Variants in AFAP1 observed in about 807,000 individuals in gnomAD.
AFAP1 encodes the protein actin filament associated protein 1, also known as actin filament-associated protein 1.
AFAP1 carries 75 observed loss-of-function variants against 93.9 expected under a neutral mutation model. That is an observed-to-expected ratio of 0.80 (90% CI 0.66 to 0.97). The LOEUF (loss-of-function observed/expected upper bound fraction) is 0.97. AFAP1 is among the 50% of genes least tolerant of loss of function. The pLI is 0.00. For missense variants in AFAP1, 1,201 were observed against 1,050.8 expected (o/e 1.14, Z -1.98); for synonymous variants, 517 against 430.7 (o/e 1.20, Z -2.48).
intron 6 of AFAP1, among the ~76,000 whole-genome samples, chr4:7,836,687 T>C (rs1712339272): frequency 6.6e-6 from 1 of 152,170 alleles, no homozygotes; most frequent in South Asian, 2.1e-4. Flanking sequence ...AGGCTCAAGC[T>C]ATCGGCCCAC....
intron 12 of AFAP1, 46 bp from the exon 13 acceptor site, chr4:7,781,673 C>T (rs1411325394): frequency 1.3e-6 from 2 of 1,544,544 alleles, no homozygotes; most frequent in East Asian, 2.5e-5. Flanking sequence ...ACACAGGAAA[C>T]AGCAGCTTTT....
In AFAP1 at chr4:7,772,910, C is replaced by T. The variant is rs367874419; in HGVS notation, c.2163G>A (p.Thr721=). 9.0e-5 allele frequency: 146 copies of T among 1,614,174 alleles called. 1 individual carries two copies. The Admixed American group carries it at 1.6e-3, about 18-fold the overall frequency. The stretch of plus-strand genomic sequence containing the variant: ...CTTTCTTCAGGCTCTCCTTGACCTC[C>T]GTCAGCTCCAGCTCCAGGCTGACAC... ...AERVSLELEL[T]EVKESLKKAL... is the part of the protein sequence containing the mutation. The change falls in exon 16 of 18, where the codon ACG becomes ACA. Residue 721 remains threonine (T), a synonymous_variant. Transcript: ENST00000420658.
At chr4:7,872,844 T>C (rs915249244) in intron 1 of AFAP1, among the ~76,000 whole-genome samples, 11 of 149,604 alleles carry the variant, frequency 7.4e-5, no homozygotes, top group Middle Eastern at 6.8e-3. Flanking sequence ...ACTGCTAGCA[T>C]CTTAGCACGA....
rs114094544 is a variant in AFAP1 at position 7,851,843 on chromosome 4, C to T, written c.334+3623G>A. 7.4e-3 allele frequency among the ~76,000 whole-genome samples: 1,132 copies of T among 152,250 alleles called. 19 individuals are homozygous for T. Among genetic ancestry groups the T allele is most frequent in the African/African-American group, 0.026 (1,062 of 41,528 alleles). On this transcript the variant is annotated intron_variant, in intron 4 of 17. Coordinates refer to ENST00000420658, the MANE Select transcript of AFAP1 (RefSeq NM_001134647.2). ...TAATGGCAGGTTGTTATCACTGGTC[C>T]ACTTCCATCATGAAGAGATCATTAA... is the stretch of plus-strand genomic sequence containing the variant.
At chr4:7,774,561 A>C (rs991437584) in intron 15 of AFAP1, 178 bp downstream of exon 15, 3 of 970,048 alleles carry the variant, frequency 3.1e-6, no homozygotes, top group African/African-American at 3.3e-5. Context: ...CCACACAGGC[A>C]CCTGCCTCGG....
chr4:7,934,652 C>T (rs1438156024), intron 1 of AFAP1, among the ~76,000 whole-genome samples: 1 of 152,140 alleles, frequency 6.6e-6, no homozygotes, highest in Non-Finnish European at 1.5e-5. Context: ...CACACAGCTT[C>T]TGAGGTGGCT....
At chr4:7,802,429 G>A (rs1719129021) in intron 9 of AFAP1, among the ~76,000 whole-genome samples, 1 of 152,204 alleles carries the variant, frequency 6.6e-6, no homozygotes, top group Non-Finnish European at 1.5e-5. Flanking sequence ...AAGAGTCTCA[G>A]AGGCTTTACT....
At chr4:7,894,872 A>G (rs1159361090) in intron 1 of AFAP1, among the ~76,000 whole-genome samples, 1 of 152,120 alleles carries the variant, frequency 6.6e-6, no homozygotes, top group South Asian at 2.1e-4. Context: ...GAGGGGAAGG[A>G]AGGGCCATGG....
At chr4:7,771,272 T>A (rs982049354) in intron 16 of AFAP1, among the ~76,000 whole-genome samples, 2 of 148,166 alleles carry the variant, frequency 1.3e-5, no homozygotes, top group South Asian at 4.3e-4. Flanking sequence ...GTAACCACAG[T>A]GACTCAGGAA....
chr4:7,909,913 C>G (rs1236929168), intron 1 of AFAP1, among the ~76,000 whole-genome samples: 1 of 152,218 alleles, frequency 6.6e-6, no homozygotes, highest in Non-Finnish European at 1.5e-5. Flanking sequence ...CAGTTCAACA[C>G]ACATTCATTG....
intron 1 of AFAP1, among the ~76,000 whole-genome samples, chr4:7,929,662 C>T (rs1226080936): frequency 6.6e-6 from 1 of 152,254 alleles, no homozygotes; most frequent in African/African-American, 2.4e-5. Flanking sequence ...CTACAGTCAG[C>T]TCAGTGCACA....
intron 1 of AFAP1, among the ~76,000 whole-genome samples, chr4:7,887,784 T>C (rs1026868435): frequency 6.6e-6 from 1 of 152,182 alleles, no homozygotes; most frequent in Non-Finnish European, 1.5e-5. Flanking sequence ...TATGCTATTA[T>C]AGTTTTTTAA....
At chr4:7,883,185 CAAAAAAAAAAA>C (rs34238719) in intron 1 of AFAP1, among the ~76,000 whole-genome samples, 58 of 49,966 alleles carry the variant, frequency 1.2e-3, no homozygotes, top group Non-Finnish European at 1.3e-3. Context: ...AACCCTATCT[CAAAAAAAAAAA>C]AAAAAAAAAA....
At chr4:7,877,210 T>G (rs1471765483) in intron 1 of AFAP1, among the ~76,000 whole-genome samples, 2 of 152,228 alleles carry the variant, frequency 1.3e-5, no homozygotes, top group Non-Finnish European at 2.9e-5. Context: ...AGCAGTACAT[T>G]CTGCACAGAA....
Position 7,778,801 on chromosome 4 carries a change from T to C in AFAP1, c.1858A>G (p.Lys620Glu). ...KGKTLSSQPK[K>E]ADPAAVVKRT... ...TTCACAACAGCCGCGGGATCCGCTT[T>C]CTTTGGCTGACTGCTCAGAGTCTTC... is the stretch of plus-strand genomic sequence containing the variant. The change falls in exon 14 of 18, where the codon AAA (lysine) becomes GAA (glutamate). Residue 620 changes from lysine to glutamate, a missense_variant. Transcript: ENST00000420658. 1 of 1,614,250 alleles carries C rather than the reference T, an allele frequency of 6.2e-7. No homozygotes were observed. The highest frequency in any genetic ancestry group is 8.5e-7 in the Non-Finnish European group (1 of 1,180,046).
rs1330962682 is a variant in AFAP1, at chr4:7,918,776, C to T, written c.-3+20880G>A. ...AAACAGGGCTGCCAGAAGAGACACT[C>T]GGCCCAGGTCACCAGGAAACAGGGC... On this transcript the variant is annotated intron_variant, in intron 1 of 17. Coordinates refer to ENST00000420658, the MANE Select transcript of AFAP1 (RefSeq NM_001134647.2). 3.6e-4 allele frequency among the ~76,000 whole-genome samples: 45 copies of T among 124,250 alleles called. 3 individuals are homozygous for T. Among genetic ancestry groups the T allele is most frequent in the Non-Finnish European group, 6.9e-4 (42 of 61,102 alleles). The allele number at this position is 124,250 out of a possible 152,430, so 81.5% of individuals were successfully genotyped here.
intron 1 of AFAP1, among the ~76,000 whole-genome samples, chr4:7,900,603 G>T: frequency 6.6e-6 from 1 of 152,192 alleles, no homozygotes; most frequent in South Asian, 2.1e-4. Flanking sequence ...CTCCAAGTAG[G>T]TTATAACCAA....
intron 13 of AFAP1, among the ~76,000 whole-genome samples, chr4:7,780,940 T>C (rs1405291389): frequency 6.6e-6 from 1 of 152,206 alleles, no homozygotes; most frequent in Non-Finnish European, 1.5e-5. Context: ...ACTACCACAC[T>C]CTGAATAATC....
chr4:7,773,287 T>G (rs1191492042), intron 15 of AFAP1: 3 of 395,098 alleles, frequency 7.6e-6, no homozygotes, highest in African/African-American at 4.1e-5. Context: ...TGGGCCTCAA[T>G]GTTCTCATTT....
Sources: gnomAD v4.1 joint callset for allele counts (sites outside exome capture counted in the v4.1 genomes callset) on GRCh38, gnomAD v4.1.1 for gene constraint, MANE v1.5 for transcripts, NCBI Gene and HGNC (gene_info 2026-07-23, HGNC 2026-07-21) for gene names.